GCNT1: variants seen among roughly 807,000 people sequenced by gnomAD.
GCNT1 encodes beta-1,3-galactosyl-O-glycosyl-glycoprotein beta-1,6-N-acetylglucosaminyltransferase.
GCNT1 carries 16 observed loss-of-function variants against 26.2 expected under a neutral mutation model. The ratio of observed to expected loss-of-function variants is 0.61; its 90% confidence interval spans 0.41 to 0.93. The LOEUF (loss-of-function observed/expected upper bound fraction) is 0.93. Ranked by LOEUF, GCNT1 falls within the 40% of genes least tolerant of loss-of-function variation. The pLI is 0.00. For synonymous variants in GCNT1, 183 were observed against 190.8 expected, an observed-to-expected ratio of 0.96 and a Z score of 0.34; for missense variants, 477 against 526.7, an observed-to-expected ratio of 0.91 and a Z score of 0.92.
At chr9:76,496,745 G>C (rs1478487410) in intron 2 of GCNT1, among the ~76,000 whole-genome samples, 1 of 151,796 alleles carries the variant, frequency 6.6e-6, no homozygotes, top group Admixed American at 6.6e-5. Flanking sequence ...TGTATTTCTT[G>C]GTCTTAAAAG....
chr9:76,415,110 G>A (rs1313061004), upstream of GCNT1, among the ~76,000 whole-genome samples: 3 of 152,016 alleles, frequency 2.0e-5, no homozygotes, highest in Non-Finnish European at 4.4e-5. Context: ...CCAGGCTGGA[G>A]TGCAGTGACA....
chr9:76,424,891 G>A (rs948800895), intron 1 of GCNT1, among the ~76,000 whole-genome samples: 26 of 152,272 alleles, frequency 1.7e-4, no homozygotes, highest in African/African-American at 6.0e-4. Context: ...TGTAATCCCA[G>A]CACTTTGGGA....
At chr9:76,459,450 C>CT (rs1823824733) in intron 1 of GCNT1, 145 bp downstream of exon 1, 1 of 152,286 alleles carries the variant, frequency 6.6e-6, no homozygotes, top group Admixed American at 6.5e-5. Context: ...GGAAGCAGAA[C>CT]CGGGGTGCGC....
At chr9:76,414,117 C>T in the GCNT1 span, among the ~76,000 whole-genome samples, 4 of 152,324 alleles carry the variant, frequency 2.6e-5, no homozygotes, top group South Asian at 8.3e-4. Flanking sequence ...ATTCTGCCTA[C>T]TTTCTCAATT....
Position 76,488,272 on chromosome 9 carries a change from G to A in GCNT1, c.-289-12644G>A, listed in dbSNP as rs567280778. 5.3e-5 allele frequency among the ~76,000 whole-genome samples: 8 copies of A among 152,134 alleles called. No homozygotes were observed. In the South Asian group the frequency reaches 1.5e-3, roughly 28 times the overall value. On this transcript the variant is annotated intron_variant, in intron 2 of 3. Transcript: ENST00000376730. Reference sequence around the variant, plus strand: ...AATCTAGAAACCATTCTTTCATTTTGGGAAATACTCTTGAATTATTTAGTT... The same window carrying A: ...AATCTAGAAACCATTCTTTCATTTTAGGAAATACTCTTGAATTATTTAGTT...
chr9:76,422,446 A>C (rs982180297), intron 1 of GCNT1, among the ~76,000 whole-genome samples: 1 of 152,178 alleles, frequency 6.6e-6, no homozygotes, highest in Admixed American at 6.6e-5. Flanking sequence ...AATTTTATTT[A>C]TAATTTTTTG....
At chr9:76,500,557 A>C (rs1825036699) in intron 2 of GCNT1, among the ~76,000 whole-genome samples, 1 of 152,144 alleles carries the variant, frequency 6.6e-6, no homozygotes, top group Non-Finnish European at 1.5e-5. Flanking sequence ...GATTGTCATT[A>C]ATTTGCCAGT....
At position 76,461,582 on chromosome 9, in the gene GCNT1, CA is replaced by C. The variant is rs932569597; in HGVS notation, c.-290+1416del. ...TGGGTGACAGAGCGAGAGTCTGTCT[CA>C]AAAAAAAAAACACACACAAAGAGCC... is the stretch of plus-strand genomic sequence containing the variant. On this transcript the variant is annotated intron_variant, in intron 2 of 3. Transcript: ENST00000376730. Among the ~76,000 whole-genome samples, 36 of 132,128 alleles carry C rather than the reference CA, an allele frequency of 2.7e-4. No homozygotes were observed. In the East Asian group the frequency reaches 3.3e-3, roughly 12 times the overall value. 86.7% of individuals were successfully genotyped at this position (132,128 alleles called of 152,430 possible).
chr9:76,426,217 G>T (rs1244271789), intron 1 of GCNT1, among the ~76,000 whole-genome samples: 4 of 152,152 alleles, frequency 2.6e-5, no homozygotes, highest in African/African-American at 7.2e-5. Context: ...AATGAACAAG[G>T]ACAGCTTGGA....
Position 76,503,718 on chromosome 9 carries a change from C to T in GCNT1, c.*50C>T, listed in dbSNP as rs199537430. On this transcript the variant is annotated 3_prime_UTR_variant, in exon 4 of 4. Transcript: ENST00000376730. ...AGAAGAAGGATACACAAAACGTACC[C>T]TTATCTGTTTCCCCTTCCTTGTCAG... The T allele has an allele frequency of 3.5e-6, 5 of 1,411,354 alleles. No homozygotes were observed. The highest frequency in any genetic ancestry group is 4.0e-6 in the Non-Finnish European group (4 of 1,001,366). The allele number at this position is 1,411,354 out of a possible 1,614,324, so 87.4% of individuals were successfully genotyped here.
chr9:76,433,199 C>T (rs79729378), intron 1 of GCNT1, among the ~76,000 whole-genome samples: 15,014 of 152,206 alleles, frequency 0.099, 986 homozygotes, highest in African/African-American at 0.18. Context: ...GGTACAAAGA[C>T]GACAGTAACA....
intron 1 of GCNT1, among the ~76,000 whole-genome samples, chr9:76,445,809 C>T (rs1177906027): frequency 6.6e-6 from 1 of 151,390 alleles, no homozygotes; most frequent in Non-Finnish European, 1.5e-5. Context: ...ACTCCTGTCT[C>T]TATAAAAAAT....
chr9:76,489,721 GTC>G (rs1824677786), intron 2 of GCNT1, among the ~76,000 whole-genome samples: 1 of 151,962 alleles, frequency 6.6e-6, no homozygotes, highest in Admixed American at 6.6e-5. Context: ...GACCCAGGAA[GTC>G]CAGCTGGCTT....
At chr9:76,468,354 T>C (rs1275085431) in intron 2 of GCNT1, among the ~76,000 whole-genome samples, 1 of 152,178 alleles carries the variant, frequency 6.6e-6, no homozygotes, top group Non-Finnish European at 1.5e-5. Context: ...AGTTGTTTAA[T>C]TTTAGAAACA....
chr9:76,430,408 G>A (rs1382003334), intron 1 of GCNT1, among the ~76,000 whole-genome samples: 1 of 151,418 alleles, frequency 6.6e-6, no homozygotes, highest in Non-Finnish European at 1.5e-5. Context: ...TTTTAACAGG[G>A]TTTCACTCTG....
intron 2 of GCNT1, among the ~76,000 whole-genome samples, chr9:76,473,493 TAATG>T (rs1486059775): frequency 6.6e-6 from 1 of 152,102 alleles, no homozygotes; most frequent in East Asian, 1.9e-4. Context: ...AAAGGGAAAA[TAATG>T]AATAATAATA....
At chr9:76,492,848 C>T (rs1824785364) in intron 2 of GCNT1, among the ~76,000 whole-genome samples, 1 of 151,980 alleles carries the variant, frequency 6.6e-6, no homozygotes, top group Non-Finnish European at 1.5e-5. Flanking sequence ...TTTCTCTGAT[C>T]CCGCTTTTCC....
At chr9:76,459,665 A>C (rs1382606554) in intron 1 of GCNT1, among the ~76,000 whole-genome samples, 1 of 152,184 alleles carries the variant, frequency 6.6e-6, no homozygotes, top group Non-Finnish European at 1.5e-5. Context: ...CATGGGTGCC[A>C]GGGGCTTAAC....
chr9:76,394,049 A>C, the GCNT1 span: 29 of 1,549,268 alleles, frequency 1.9e-5, no homozygotes, highest in African/African-American at 3.7e-4. Context: ...CCCGCTCCCC[A>C]CGTGACCCGG....
Sources: allele counts gnomAD v4.1 joint callset (sites outside exome capture counted in the v4.1 genomes callset), GRCh38; gene constraint gnomAD v4.1.1; transcripts MANE v1.5; gene names NCBI Gene and HGNC (gene_info 2026-07-23, HGNC 2026-07-21).